YES1: variants seen among roughly 807,000 people sequenced by gnomAD.
YES1 encodes YES proto-oncogene 1, Src family tyrosine kinase.
Under a neutral mutation model 70.4 loss-of-function variants are expected in YES1, and 39 were observed. The observed-to-expected ratio is 0.55, with a 90% CI of 0.43 to 0.72. The LOEUF is 0.72. Ranked by LOEUF, YES1 falls within the 30% of genes least tolerant of loss-of-function variation. YES1 has a pLI of 0.00. For missense variants in YES1, 495 were observed against 644.8 expected (o/e 0.77, Z 2.52); for synonymous variants, 198 against 218.6 (o/e 0.91, Z 0.83).
intron 1 of YES1, among the ~76,000 whole-genome samples, chr18:787,080 CTTTTTTTTTTTTTTTTTTTTTTT>C (rs71174290): frequency 5.8e-5 from 2 of 34,736 alleles, no homozygotes; most frequent in East Asian, 1.7e-3. Flanking sequence ...TACATACTGT[CTTTTTTTTTTTTTTTTTTTTTTT>C]TTTTTTTTTT....
At chr18:809,433 G>A (rs574484952) in intron 1 of YES1, among the ~76,000 whole-genome samples, 1 of 152,134 alleles carries the variant, frequency 6.6e-6, no homozygotes, top group East Asian at 1.9e-4. Flanking sequence ...CCAGGTAGCT[G>A]GGATTACAGG....
At chr18:811,315 C>CA (rs1907367440) in intron 1 of YES1, among the ~76,000 whole-genome samples, 1 of 152,038 alleles carries the variant, frequency 6.6e-6, no homozygotes, top group African/African-American at 2.4e-5. Flanking sequence ...ATGATTCAAC[C>CA]AAATCCGAAC....
intron 11 of YES1, among the ~76,000 whole-genome samples, chr18:730,896 G>A (rs1040130548): frequency 2.0e-5 from 3 of 152,146 alleles, no homozygotes; most frequent in Admixed American, 2.0e-4. Context: ...TGTAGGCAGA[G>A]TTGGATTTAT....
chr18:756,938 CA>C (rs1366543129), intron 1 of YES1, 103 bp from the exon 2 acceptor site: 4 of 1,108,320 alleles, frequency 3.6e-6, no homozygotes, highest in Non-Finnish European at 5.0e-6. Context: ...GCCATCCCTG[CA>C]AAAAGGAACA....
At chr18:738,197 T>G (rs910901110) in intron 9 of YES1, 2 of 152,102 alleles carry the variant, frequency 1.3e-5, no homozygotes, top group African/African-American at 4.8e-5. Context: ...CTGTGGACAT[T>G]TGGAGGCTAG....
At position 724,143 on chromosome 18, in the gene YES1, G is replaced by A. The variant is rs2079990347; in HGVS notation, c.*281C>T. 1 of 293,560 alleles carries A rather than the reference G, an allele frequency of 3.4e-6. No homozygotes were observed. Among genetic ancestry groups the A allele is most frequent in the Middle Eastern group, 1.0e-3 (1 of 964 alleles). The allele number at this position is 293,560 out of a possible 1,614,324, so 18.2% of individuals were successfully genotyped here. ...GGAAATGATTTATAAATAAGCAGGA[G>A]CCTCACTGTCCTTCATTACCATGCT... is the stretch of plus-strand genomic sequence containing the variant. On this transcript the variant is annotated 3_prime_UTR_variant, in exon 12 of 12. Coordinates refer to ENST00000314574, the MANE Select transcript of YES1 (RefSeq NM_005433.4).
intron 1 of YES1, chr18:787,853 A>C (rs1358793075): frequency 1.3e-5 from 2 of 152,230 alleles, no homozygotes; most frequent in Non-Finnish European, 2.9e-5. Context: ...AAAGACTGAT[A>C]TTAATCCATA....
chr18:740,932 C>T (rs1261705393), intron 8 of YES1, among the ~76,000 whole-genome samples: 3 of 152,152 alleles, frequency 2.0e-5, no homozygotes, highest in Admixed American at 6.6e-5. Context: ...GAGTCTCACT[C>T]AGTCACCCAG....
In YES1 at chr18:736,825, T is replaced by G; in HGVS notation, c.1274A>C (p.Glu425Ala). 6.2e-7 allele frequency: 1 copy of G among 1,611,796 alleles called. No individual in the cohort carries two copies. Among genetic ancestry groups the G allele is most frequent in the Non-Finnish European group, 8.5e-7 (1 of 1,179,904 alleles). ...AATTTTACCTTGTCTTGCTGTGTAT[T>G]CATTGTCTTCAATTAACCTTGCTAA... is the stretch of plus-strand genomic sequence containing the variant. Reference protein sequence around the residue: ...FGLARLIEDNEYTARQGAKFP... With the variant: ...FGLARLIEDNAYTARQGAKFP... The change falls in exon 10 of 12, where the codon GAA (glutamate) becomes GCA (alanine). Residue 425 changes from glutamate (E) to alanine (A), a missense_variant. Coordinates refer to ENST00000314574, the MANE Select transcript of YES1 (RefSeq NM_005433.4).
intron 4 of YES1, among the ~76,000 whole-genome samples, chr18:747,602 T>A (rs1490852203): frequency 1.3e-5 from 2 of 152,152 alleles, no homozygotes; most frequent in Non-Finnish European, 2.9e-5. Context: ...GGAATGAGGA[T>A]AATCAGAAGG....
At chr18:788,396 C>G (rs897415704) in intron 1 of YES1, among the ~76,000 whole-genome samples, 6 of 152,120 alleles carry the variant, frequency 3.9e-5, no homozygotes, top group Admixed American at 2.0e-4. Context: ...TTACTTCTGG[C>G]TACACTATTT....
chr18:799,728 A>G (rs548733985), intron 1 of YES1, among the ~76,000 whole-genome samples: 67 of 151,950 alleles, frequency 4.4e-4, no homozygotes, highest in African/African-American at 1.5e-3. Context: ...TTAAAAATAA[A>G]AAACACAAAT....
chr18:739,825 C>A lies in YES1; in HGVS notation c.1061-14G>T. 6.3e-7 allele frequency: 1 copy of A among 1,591,328 alleles called. No homozygotes were observed. Among genetic ancestry groups the A allele is most frequent in the East Asian group, 2.2e-5 (1 of 44,586 alleles). On this transcript the variant is annotated splice_polypyrimidine_tract_variant and intron_variant, in intron 8 of 11. Coordinates refer to ENST00000314574, the MANE Select transcript of YES1 (RefSeq NM_005433.4). ...CTAATAAGCTTCCTGTAACAGACAGCAAGATATTCATAAAAAATAAGCAAA... is the reference window on the plus strand; with the variant it reads ...CTAATAAGCTTCCTGTAACAGACAGAAAGATATTCATAAAAAATAAGCAAA...
At chr18:795,363 G>A (rs1433251946) in intron 1 of YES1, among the ~76,000 whole-genome samples, 3 of 152,166 alleles carry the variant, frequency 2.0e-5, no homozygotes, top group Non-Finnish European at 4.4e-5. Context: ...TAAAGGAAAT[G>A]TGACAAAATG....
intron 11 of YES1, among the ~76,000 whole-genome samples, chr18:725,662 G>T (rs1456461040): frequency 2.0e-5 from 3 of 152,128 alleles, no homozygotes; most frequent in Admixed American, 1.3e-4. Flanking sequence ...GCCAAGGCGG[G>T]TGATCATCTG....
chr18:749,026 C>T (rs1444825316), intron 3 of YES1, among the ~76,000 whole-genome samples: 1 of 151,846 alleles, frequency 6.6e-6, no homozygotes, highest in Non-Finnish European at 1.5e-5. Flanking sequence ...CTAGATGCAG[C>T]GGCATGCACC....
At chr18:758,246 T>C (rs139200126) in intron 1 of YES1, among the ~76,000 whole-genome samples, 2 of 152,188 alleles carry the variant, frequency 1.3e-5, no homozygotes, top group African/African-American at 4.8e-5. Flanking sequence ...AAATCTGATG[T>C]GTATTTTGTA....
chr18:734,985 G>C (rs62088291), intron 10 of YES1, among the ~76,000 whole-genome samples: 2 of 151,722 alleles, frequency 1.3e-5, no homozygotes, highest in African/African-American at 4.8e-5. Flanking sequence ...TGGTGAAACC[G>C]TGTCTCTACT....
chr18:771,821 A>T (rs181588550), intron 1 of YES1, among the ~76,000 whole-genome samples: 35 of 151,862 alleles, frequency 2.3e-4, no homozygotes, highest in Non-Finnish European at 4.3e-4. Context: ...GAGCTACCAC[A>T]CCTGGCCTGG....
Sources: allele counts gnomAD v4.1 joint callset (sites outside exome capture counted in the v4.1 genomes callset), GRCh38; gene constraint gnomAD v4.1.1; transcripts MANE v1.5; gene names NCBI Gene and HGNC (gene_info 2026-07-23, HGNC 2026-07-21).